Variants in ABCD2 observed in about 807,000 individuals in gnomAD.
ABCD2 encodes the protein ATP binding cassette subfamily D member 2, also known as ATP-binding cassette sub-family D member 2.
In ABCD2, 36 loss-of-function variants were observed where a neutral mutation model predicts 70.9. That is an observed-to-expected ratio of 0.51 (90% CI 0.39 to 0.67). The LOEUF is 0.67. ABCD2 is among the 30% of genes least tolerant of loss of function. The pLI is 0.00. For missense variants in ABCD2, 729 were observed against 890.2 expected, an observed-to-expected ratio of 0.82 and a Z score of 2.30; for synonymous variants, 304 against 306.9, an observed-to-expected ratio of 0.99 and a Z score of 0.10.
chr12:39,571,517 T>C (rs1485890854), intron 9 of ABCD2, among the ~76,000 whole-genome samples: 1 of 152,158 alleles, frequency 6.6e-6, no homozygotes, highest in Non-Finnish European at 1.5e-5. Context: ...ATTCATATAT[T>C]GGGCAAACAC....
At chr12:39,555,291 A>G (rs1941145854) in intron 9 of ABCD2, among the ~76,000 whole-genome samples, 2 of 152,184 alleles carry the variant, frequency 1.3e-5, no homozygotes, top group South Asian at 4.1e-4. Flanking sequence ...ATTATAGAAT[A>G]TGTGGCCTTT....
chr12:39,615,815 T>C (rs1366579421), intron 2 of ABCD2, among the ~76,000 whole-genome samples: 1 of 152,128 alleles, frequency 6.6e-6, no homozygotes, highest in Non-Finnish European at 1.5e-5. Flanking sequence ...CAAATAACTA[T>C]TCATCCTTAA....
At chr12:39,544,168 T>C in the ABCD2 span, among the ~76,000 whole-genome samples, 1 of 152,022 alleles carries the variant, frequency 6.6e-6, no homozygotes, top group East Asian at 1.9e-4. Context: ...GAAGTGCTGA[T>C]TGGTCAGGGA....
chr12:39,581,103 A>G (rs1941589912), intron 7 of ABCD2, among the ~76,000 whole-genome samples: 1 of 152,188 alleles, frequency 6.6e-6, no homozygotes, highest in South Asian at 2.1e-4. Flanking sequence ...AGTACATTGC[A>G]TTAAAAAATG....
At chr12:39,571,870 T>A (rs1941453206) in intron 9 of ABCD2, among the ~76,000 whole-genome samples, 1 of 152,160 alleles carries the variant, frequency 6.6e-6, no homozygotes, top group South Asian at 2.1e-4. Context: ...CAATTACTCA[T>A]TTGTTGTTAT....
intron 9 of ABCD2, among the ~76,000 whole-genome samples, chr12:39,567,484 T>C (rs1462154174): frequency 6.6e-6 from 1 of 152,214 alleles, no homozygotes; most frequent in Non-Finnish European, 1.5e-5. Context: ...ATTTGCTTGG[T>C]AGATCTTCCT....
chr12:39,540,530 T>C, the ABCD2 span, among the ~76,000 whole-genome samples: 8,002 of 152,282 alleles, frequency 0.053, 538 homozygotes, highest in African/African-American at 0.16. Context: ...AGAATCTCTA[T>C]TGACAGCACT....
At chr12:39,541,830 C>T in the ABCD2 span, among the ~76,000 whole-genome samples, 1 of 152,092 alleles carries the variant, frequency 6.6e-6, no homozygotes, top group Non-Finnish European at 1.5e-5. Flanking sequence ...GAACAAACAA[C>T]TACACACTAC....
the ABCD2 span, chr12:39,539,704 A>T: frequency 8.5e-5 from 13 of 153,586 alleles, no homozygotes; most frequent in African/African-American, 3.1e-4. Flanking sequence ...AAAACAGCAC[A>T]GTACCAAGTG....
At chr12:39,572,160 T>G (rs1941457137) in intron 9 of ABCD2, among the ~76,000 whole-genome samples, 1 of 152,212 alleles carries the variant, frequency 6.6e-6, no homozygotes, top group South Asian at 2.1e-4. Flanking sequence ...TGGCTATATA[T>G]GCTTTCAATG....
At chr12:39,559,432 G>C (rs531421350) in intron 9 of ABCD2, among the ~76,000 whole-genome samples, 51 of 147,166 alleles carry the variant, frequency 3.5e-4, no homozygotes, top group Non-Finnish European at 5.5e-4. Flanking sequence ...TATTCAAGAA[G>C]GAGTTAAGAA....
chr12:39,594,317 T>C (rs1432640287), intron 6 of ABCD2, among the ~76,000 whole-genome samples: 2 of 150,636 alleles, frequency 1.3e-5, no homozygotes, highest in African/African-American at 2.5e-5. Flanking sequence ...ATACCAACTT[T>C]ATAGGTTGTC....
At chr12:39,615,424 T>C (rs1021994978) in intron 2 of ABCD2, among the ~76,000 whole-genome samples, 8 of 152,096 alleles carry the variant, frequency 5.3e-5, no homozygotes, top group African/African-American at 1.7e-4. Context: ...GCTAATACTC[T>C]TTTGAAAAAG....
chr12:39,537,782 G>A, the ABCD2 span, among the ~76,000 whole-genome samples: 18 of 152,210 alleles, frequency 1.2e-4, no homozygotes, highest in African/African-American at 4.1e-4. Context: ...ATTATATGTT[G>A]TCCAACCTAT....
the ABCD2 span, among the ~76,000 whole-genome samples, chr12:39,543,154 C>G: frequency 5.9e-5 from 9 of 152,002 alleles, no homozygotes; most frequent in African/African-American, 2.2e-4. Context: ...GTCAAAATAT[C>G]AATAAAGATT....
At chr12:39,603,786 G>T in intron 5 of ABCD2, 126 bp downstream of exon 5, 1 of 664,782 alleles carries the variant, frequency 1.5e-6, no homozygotes, top group East Asian at 2.7e-5. Context: ...GAGCCACTGT[G>T]CATACCTTTC....
At chr12:39,537,978 C>T in the ABCD2 span, among the ~76,000 whole-genome samples, 8 of 152,008 alleles carry the variant, frequency 5.3e-5, no homozygotes, top group Non-Finnish European at 1.2e-4. Flanking sequence ...CTAAGGACTT[C>T]CTATAACTAA....
At chr12:39,566,909 A>G (rs760543004) in intron 9 of ABCD2, among the ~76,000 whole-genome samples, 2 of 152,218 alleles carry the variant, frequency 1.3e-5, no homozygotes, top group African/African-American at 2.4e-5. Context: ...ACTCAGGAGC[A>G]GGTTGTTCAG....
Position 39,618,951 on chromosome 12 carries a change from G to A in ABCD2, c.665C>T (p.Ala222Val). Residue 222 changes from alanine (A) to valine (V), a missense_variant, in exon 1 of 10, where the codon GCT becomes GTT. Around this residue, in one of 3 missense-constraint regions of ABCD2, gnomAD observed 195 missense variants for 300.2 expected, o/e 0.65. Coordinates refer to ENST00000308666, the MANE Select transcript of ABCD2 (RefSeq NM_005164.4). ...EDIMMFSQSV[A>V]HLYSNLTKPI... Reference sequence around the variant, plus strand: ...TTTGGTCAGATTGGAATACAAGTGAGCCACAGATTGGGAGAACATCATAAT... The same window carrying A: ...TTTGGTCAGATTGGAATACAAGTGAACCACAGATTGGGAGAACATCATAAT... 1.2e-6 allele frequency: 2 copies of A among 1,614,222 alleles called. No homozygotes were observed. Among genetic ancestry groups the A allele is most frequent in the Non-Finnish European group, 1.7e-6 (2 of 1,180,040 alleles).
Sources: gnomAD v4.1 joint callset for allele counts (sites outside exome capture counted in the v4.1 genomes callset) on GRCh38, gnomAD v4.1.1 for gene constraint, gnomAD v4.1.1 regional missense constraint, MANE v1.5 for transcripts, NCBI Gene and HGNC (gene_info 2026-07-23, HGNC 2026-07-21) for gene names.